The following GATAD2A variants were observed in gnomAD, a reference collection of about 807,000 sequenced individuals.
GATAD2A encodes the protein transcriptional repressor p66-alpha.
Under a neutral mutation model 68.5 loss-of-function variants are expected in GATAD2A, and 12 were observed. The observed-to-expected ratio is 0.18, with a 90% CI of 0.11 to 0.28. The LOEUF (loss-of-function observed/expected upper bound fraction) is 0.28. Ranked by LOEUF, GATAD2A falls within the 10% of genes least tolerant of loss-of-function variation. GATAD2A has a pLI of 1.00. For synonymous variants in GATAD2A, 410 were observed against 375.3 expected, an observed-to-expected ratio of 1.09 and a Z score of -1.07; for missense variants, 755 against 868.5, an observed-to-expected ratio of 0.87 and a Z score of 1.64.
At chr19:19,492,812 C>T in intron 4 of GATAD2A, 100 bp downstream of exon 4, 1 of 1,227,670 alleles carries the variant, frequency 8.1e-7, no homozygotes, top group Non-Finnish European at 1.2e-6. Flanking sequence ...AAAGGGCTTC[C>T]TTGAGGGAGT....
At chr19:19,413,270 A>G (rs2051181933) in intron 1 of GATAD2A, among the ~76,000 whole-genome samples, 1 of 152,202 alleles carries the variant, frequency 6.6e-6, no homozygotes, top group Admixed American at 6.5e-5. Flanking sequence ...CCGCAGAGGA[A>G]CATTTTTCCT....
intron 2 of GATAD2A, among the ~76,000 whole-genome samples, chr19:19,479,965 G>T (rs1271196688): frequency 6.6e-6 from 1 of 151,006 alleles, no homozygotes; most frequent in Non-Finnish European, 1.5e-5. Context: ...AGCCTTGTGA[G>T]TAGCTGGGAT....
At chr19:19,389,834 C>T (rs1403879979) in intron 1 of GATAD2A, among the ~76,000 whole-genome samples, 2 of 152,160 alleles carry the variant, frequency 1.3e-5, no homozygotes, top group Admixed American at 1.3e-4. Flanking sequence ...GCGATCTCGG[C>T]TCACTGCAAC....
At chr19:19,466,168 A>T (rs1228822801) in intron 2 of GATAD2A, among the ~76,000 whole-genome samples, 1 of 152,250 alleles carries the variant, frequency 6.6e-6, no homozygotes, top group Admixed American at 6.5e-5. Context: ...GATTACTTCA[A>T]GAGTGACTTT....
In GATAD2A at chr19:19,413,293, G is replaced by C. The variant is rs934504762; in HGVS notation, c.-7+7274G>C. The stretch of plus-strand genomic sequence containing the variant: ...GAACATTTTTCCTTGTTGCTCAAGT[G>C]TGGCTGGAGAAAGTAGGAGAGTGGT... On this transcript the variant is annotated intron_variant, in intron 1 of 11. Transcript: ENST00000683918. 2.6e-5 allele frequency among the ~76,000 whole-genome samples: 4 copies of C among 152,260 alleles called. No homozygotes were observed. The East Asian group carries it at 5.8e-4, about 22-fold the overall frequency.
chr19:19,466,849 T>C (rs1404401252), intron 2 of GATAD2A, among the ~76,000 whole-genome samples: 1 of 152,098 alleles, frequency 6.6e-6, no homozygotes, highest in Non-Finnish European at 1.5e-5. Context: ...TTCCTTTCTC[T>C]ATGTTTTCAG....
intron 1 of GATAD2A, among the ~76,000 whole-genome samples, chr19:19,420,637 G>T (rs2052302847): frequency 6.6e-6 from 1 of 151,816 alleles, no homozygotes; most frequent in African/African-American, 2.4e-5. Context: ...ACCGCGACCA[G>T]CCCCATCTTG....
At chr19:19,433,695 A>G (rs1012014674) in intron 1 of GATAD2A, among the ~76,000 whole-genome samples, 1 of 152,252 alleles carries the variant, frequency 6.6e-6, no homozygotes, top group Admixed American at 6.5e-5. Flanking sequence ...CAGAGAGTGT[A>G]TAACATACAA....
intron 1 of GATAD2A, among the ~76,000 whole-genome samples, chr19:19,420,177 GTTTTTTT>G (rs71170684): frequency 2.6e-4 from 23 of 89,910 alleles, no homozygotes; most frequent in South Asian, 4.8e-4. Context: ...TATCCAGCTA[GTTTTTTT>G]TTTTTTTTTT....
chr19:19,501,140 T>C lies in GATAD2A; in HGVS notation c.1227T>C (p.Thr409=), dbSNP rs765910611. 4 of 1,611,312 alleles carry C rather than the reference T, an allele frequency of 2.5e-6. No homozygotes were observed. The highest frequency in any genetic ancestry group is 1.7e-5 in the Admixed American group (1 of 59,968). ...ETQAGRMSAA[T]VLSREPYMCA... is the part of the protein sequence containing the mutation. ...CAGCAGGCAGGATGTCGGCCGCCAC[T>C]GTGCTGTCCCGGGAGCCCTACATGT... The change falls in exon 9 of 12, where the codon ACT becomes ACC. Residue 409 remains threonine, a synonymous_variant. Coordinates refer to ENST00000683918, the MANE Select transcript of GATAD2A (RefSeq NM_001384528.1).
chr19:19,412,849 A>G (rs1177791542), intron 1 of GATAD2A, among the ~76,000 whole-genome samples: 2 of 152,296 alleles, frequency 1.3e-5, no homozygotes, highest in African/African-American at 4.8e-5. Context: ...GTTTTAGGCC[A>G]GTAAAGTAGG....
chr19:19,405,799 C>T lies in GATAD2A; in HGVS notation c.-227C>T, dbSNP rs1468963203. 4.7e-5 allele frequency: 7 copies of T among 150,258 alleles called. No homozygotes were observed. The highest frequency in any genetic ancestry group is 1.0e-4 in the Non-Finnish European group (7 of 67,486). 9.3% of individuals were successfully genotyped at this position (150,258 alleles called of 1,614,324 possible). A position where few individuals can be genotyped will look rare whatever the true frequency, so the allele number is the denominator to read the frequency against. Reference sequence around the variant, plus strand: ...CCCGGGCGGTGACGCCGGCGCCGGGCTCCATGTGTGCGGCCGAGGGGCGCA... The same window carrying T: ...CCCGGGCGGTGACGCCGGCGCCGGGTTCCATGTGTGCGGCCGAGGGGCGCA... On this transcript the variant is annotated 5_prime_UTR_variant, in exon 1 of 12. Coordinates refer to ENST00000683918, the MANE Select transcript of GATAD2A (RefSeq NM_001384528.1).
intron 1 of GATAD2A, among the ~76,000 whole-genome samples, chr19:19,434,168 G>A (rs1199582804): frequency 1.3e-5 from 2 of 152,094 alleles, no homozygotes; most frequent in African/African-American, 2.4e-5. Context: ...CAGGTTTTGA[G>A]TTCTGATTGG....
intron 1 of GATAD2A, among the ~76,000 whole-genome samples, chr19:19,419,534 T>A (rs2052082756): frequency 1.4e-5 from 2 of 143,744 alleles, no homozygotes; most frequent in Non-Finnish European, 3.0e-5. Context: ...TTTTTTTTTT[T>A]AAGATGGAGT....
At chr19:19,445,703 C>T (rs2055627761) in intron 1 of GATAD2A, among the ~76,000 whole-genome samples, 1 of 152,122 alleles carries the variant, frequency 6.6e-6, no homozygotes, top group African/African-American at 2.4e-5. Flanking sequence ...CTTTTTTTCA[C>T]TTAGCATGAT....
chr19:19,465,328 C>T lies in GATAD2A; in HGVS notation c.-6-12C>T. The T allele has an allele frequency of 1.9e-6, 3 of 1,609,874 alleles. No individual in the cohort carries two copies. The highest frequency in any genetic ancestry group is 1.3e-5 in the African/African-American group (1 of 74,950). On this transcript the variant is annotated splice_polypyrimidine_tract_variant and intron_variant, in intron 1 of 11. Coordinates refer to ENST00000683918, the MANE Select transcript of GATAD2A (RefSeq NM_001384528.1). ...CCCAGTTAAAATGTTGTGTCTTCTC[C>T]TCCCTCCCAAGTTCAGAATGACCGA...
chr19:19,415,471 A>T (rs187543488), intron 1 of GATAD2A, among the ~76,000 whole-genome samples: 11 of 143,926 alleles, frequency 7.6e-5, no homozygotes, highest in African/African-American at 2.6e-4. Context: ...TTTTTTGGAG[A>T]TGGAGTCTCA....
intron 1 of GATAD2A, among the ~76,000 whole-genome samples, chr19:19,415,967 C>A (rs186869460): frequency 3.2e-5 from 4 of 125,470 alleles, no homozygotes; most frequent in Admixed American, 7.8e-5. Flanking sequence ...GGTTTTTTTT[C>A]CCCCCCAAGA....
chr19:19,474,340 AG>A (rs1393583739), intron 2 of GATAD2A, among the ~76,000 whole-genome samples: 2 of 152,102 alleles, frequency 1.3e-5, no homozygotes, highest in African/African-American at 4.8e-5. Context: ...CCCTGAATTT[AG>A]GTCACAAACT....
Sources: gnomAD v4.1 joint callset for allele counts (sites outside exome capture counted in the v4.1 genomes callset) on GRCh38, gnomAD v4.1.1 for gene constraint, MANE v1.5 for transcripts, NCBI Gene and HGNC (gene_info 2026-07-23, HGNC 2026-07-21) for gene names.